RHCG: variants seen among roughly 807,000 people sequenced by gnomAD.
The protein encoded by RHCG is Rh family C glycoprotein.
Under a neutral mutation model 55.3 loss-of-function variants are expected in RHCG, and 39 were observed. The observed-to-expected ratio is 0.70, with a 90% CI of 0.55 to 0.92. The LOEUF (loss-of-function observed/expected upper bound fraction) is 0.92. Among genes scored for constraint, RHCG ranks in the 40% least tolerant of loss-of-function variants. The pLI, the probability that RHCG is intolerant of heterozygous loss-of-function variation, is 0.00. For synonymous variants in RHCG, 250 were observed against 246.8 expected (o/e 1.01, Z -0.12); for missense variants, 635 against 627.9 (o/e 1.01, Z -0.12).
At chr15:89,486,605 T>TGG in intron 2 of RHCG, 194 bp downstream of exon 2, 1 of 365,018 alleles carries the variant, frequency 2.7e-6, no homozygotes, top group Admixed American at 3.7e-5. Context: ...AGAGAGTGTG[T>TGG]GTGTGTGTGT....
intron 1 of RHCG, among the ~76,000 whole-genome samples, chr15:89,492,682 A>C (rs1961498680): frequency 6.6e-6 from 1 of 152,246 alleles, no homozygotes; most frequent in African/African-American, 2.4e-5. Context: ...ATAAAATGGA[A>C]ATTATAAATG....
chr15:89,485,204 TA>T (rs35080554), intron 2 of RHCG, among the ~76,000 whole-genome samples: 15,162 of 152,062 alleles, frequency 0.1, 2,256 homozygotes, highest in African/African-American at 0.32. Context: ...TTTTTGAGAT[TA>T]AAAAAAATTC....
chr15:89,483,001 T>G (rs1376018920), intron 3 of RHCG, 66 bp downstream of exon 3: 6 of 1,434,032 alleles, frequency 4.2e-6, no homozygotes, highest in Non-Finnish European at 5.6e-6. Context: ...AGCTGTCTAT[T>G]TCTCCATACC....
In RHCG at chr15:89,475,130, C is replaced by T. The variant is rs572543172; in HGVS notation, c.1311+1625G>A. 8.8e-3 allele frequency among the ~76,000 whole-genome samples: 1,293 copies of T among 147,484 alleles called. 24 individuals carry two copies. The highest frequency in any genetic ancestry group is 0.031 in the African/African-American group (1,226 of 39,998). The stretch of plus-strand genomic sequence containing the variant: ...CCTGCCTGCCTGCCTTCATTCATTC[C>T]TGCCTGCCTTCCTTCATTCCTTCCT... On this transcript the variant is annotated intron_variant, in intron 9 of 10. Coordinates refer to ENST00000268122, the MANE Select transcript of RHCG (RefSeq NM_016321.3).
chr15:89,484,227 C>T (rs763985312), intron 2 of RHCG, among the ~76,000 whole-genome samples: 3 of 152,188 alleles, frequency 2.0e-5, no homozygotes, highest in African/African-American at 4.8e-5. Flanking sequence ...TCCACTATTG[C>T]CTCATTCACC....
chr15:89,476,211 C>T (rs902998378), intron 9 of RHCG, among the ~76,000 whole-genome samples: 2 of 152,112 alleles, frequency 1.3e-5, no homozygotes, highest in Admixed American at 1.3e-4. Context: ...GCACTACAGA[C>T]GCATTCCACC....
Position 89,479,327 on chromosome 15 carries a change from C to G in RHCG, c.832G>C (p.Asp278His). ...CCCAACGCCCTCATGCTCACCATGTCCAGCTTGCCCTTCTTGTGCAGGGCA... is the reference window on the plus strand; with the variant it reads ...CCCAACGCCCTCATGCTCACCATGTGCAGCTTGCCCTTCTTGTGCAGGGCA... Reference protein sequence around the residue: ...SSALHKKGKLDMVHIQNATLA... With the variant: ...SSALHKKGKLHMVHIQNATLA... Residue 278 changes from aspartate (D) to histidine (H), a missense_variant, in exon 5 of 11, where the codon GAC (aspartate) becomes CAC (histidine). Coordinates refer to ENST00000268122, the MANE Select transcript of RHCG (RefSeq NM_016321.3). 1 of 1,613,020 alleles carries G rather than the reference C, an allele frequency of 6.2e-7. No homozygotes were observed. The highest frequency in any genetic ancestry group is 1.1e-5 in the South Asian group (1 of 90,910).
At chr15:89,475,003 T>G (rs1961115362) in intron 9 of RHCG, among the ~76,000 whole-genome samples, 1 of 141,546 alleles carries the variant, frequency 7.1e-6, no homozygotes, top group Non-Finnish European at 1.5e-5. Flanking sequence ...CCTTCCTTCC[T>G]TCCTGCCCGC....
At position 89,477,185 on chromosome 15, in the gene RHCG, A is replaced by G; in HGVS notation, c.1134T>C (p.Phe378=). 2 of 1,614,042 alleles carry G rather than the reference A, an allele frequency of 1.2e-6. No individual in the cohort carries two copies. The highest frequency in any genetic ancestry group is 8.5e-7 in the Non-Finnish European group (1 of 1,180,014). Residue 378 remains phenylalanine (F), a synonymous_variant, in exon 8 of 11, where the codon TTT becomes TTC. Transcript: ENST00000268122. The surrounding 1 kb of genome is among the most constrained non-coding windows in gnomAD (Gnocchi z 4.5). ...CGGTCCAGTCCCCGTTGAAACCTTG[A>G]AAGTCAAAGGAATGGACAAGCCTGG... ...GKEGLVHSFD[F]QGFNGDWTAR... is the part of the protein sequence containing the mutation.
intron 1 of RHCG, among the ~76,000 whole-genome samples, chr15:89,492,921 C>T (rs1596409843): frequency 6.6e-6 from 1 of 152,302 alleles, no homozygotes; most frequent in African/African-American, 2.4e-5. Context: ...AGTGCCCTAC[C>T]AGTCACCTGT....
At chr15:89,492,762 A>T (rs1456600618) in intron 1 of RHCG, among the ~76,000 whole-genome samples, 1 of 152,236 alleles carries the variant, frequency 6.6e-6, no homozygotes, top group East Asian at 1.9e-4. Flanking sequence ...AAATGCTATA[A>T]TAGTTCCAAC....
At position 89,477,915 on chromosome 15, in the gene RHCG, C is replaced by G; in HGVS notation, c.897G>C (p.Met299Ile). The change falls in exon 6 of 11, where the codon ATG becomes ATC. Residue 299 changes from methionine (M) to isoleucine (I), a missense_variant. Coordinates refer to ENST00000268122, the MANE Select transcript of RHCG (RefSeq NM_016321.3). The surrounding 1 kb of genome is among the most constrained non-coding windows in gnomAD (Gnocchi z 4.5). ...TGAGGGCACCGTAAGGCATGAGCAT[C>G]ATCTCAGCAGCGGTACCCACGGCCA... ...GGVAVGTAAE[M>I]MLMPYGALII... The G allele has an allele frequency of 6.2e-7, 1 of 1,613,956 alleles. No homozygotes were observed. Among genetic ancestry groups the G allele is most frequent in the Non-Finnish European group, 8.5e-7 (1 of 1,179,944 alleles).
chr15:89,493,386 C>T (rs1961511592), intron 1 of RHCG, among the ~76,000 whole-genome samples: 1 of 152,234 alleles, frequency 6.6e-6, no homozygotes, highest in African/African-American at 2.4e-5. Flanking sequence ...AGGGCACTGC[C>T]AACGTGAGTC....
intron 3 of RHCG, among the ~76,000 whole-genome samples, chr15:89,480,613 T>C (rs879840787): frequency 1.4e-4 from 21 of 152,118 alleles, no homozygotes; most frequent in African/African-American, 4.6e-4. Context: ...TGCCAGGGTG[T>C]CCTCACCCAG....
chr15:89,484,279 C>T (rs1242086560), intron 2 of RHCG, among the ~76,000 whole-genome samples: 1 of 152,178 alleles, frequency 6.6e-6, no homozygotes, highest in Non-Finnish European at 1.5e-5. Context: ...GCTAAATGAT[C>T]GATGGCAGTT....
At chr15:89,481,212 G>A (rs1961260492) in intron 3 of RHCG, among the ~76,000 whole-genome samples, 1 of 152,224 alleles carries the variant, frequency 6.6e-6, no homozygotes, top group Non-Finnish European at 1.5e-5. Flanking sequence ...CACTTTGGGA[G>A]GCCAAGGCAG....
In RHCG at chr15:89,477,780, AG is replaced by A; in HGVS notation, c.975+56del. 1 of 1,609,640 alleles carries A rather than the reference AG, an allele frequency of 6.2e-7. No individual in the cohort carries two copies. Among genetic ancestry groups the A allele is most frequent in the South Asian group, 1.1e-5 (1 of 90,642 alleles). On this transcript the variant is annotated intron_variant, in intron 6 of 10. Transcript: ENST00000268122. The surrounding 1 kb of genome is among the most constrained non-coding windows in gnomAD (Gnocchi z 4.5). ...CCCTAGGAACCCTCAGCTCACTGTC[AG>A]GAACACAAAGACCTCAGCATTCTCT... is the stretch of plus-strand genomic sequence containing the variant.
At chr15:89,480,657 G>A (rs1961250601) in intron 3 of RHCG, among the ~76,000 whole-genome samples, 1 of 152,202 alleles carries the variant, frequency 6.6e-6, no homozygotes, top group South Asian at 2.1e-4. Flanking sequence ...GGAAACCCAG[G>A]CCTGGAGACA....
intron 1 of RHCG, among the ~76,000 whole-genome samples, chr15:89,490,947 C>A (rs190075314): frequency 1.3e-5 from 2 of 152,126 alleles, no homozygotes; most frequent in African/African-American, 4.8e-5. Context: ...ACTGGCTGTG[C>A]CTTGAAGCTA....
Sources: gnomAD v4.1 joint callset for allele counts (sites outside exome capture counted in the v4.1 genomes callset) on GRCh38, gnomAD v4.1.1 for gene constraint, Gnocchi (gnomAD v3.1) non-coding constraint, MANE v1.5 for transcripts, NCBI Gene and HGNC (gene_info 2026-07-23, HGNC 2026-07-21) for gene names.